CDH15: variants seen among roughly 807,000 people sequenced by gnomAD.
The protein encoded by CDH15 is cadherin-15.
CDH15 carries 73 observed loss-of-function variants against 69.4 expected under a neutral mutation model. That is an observed-to-expected ratio of 1.05 (90% confidence interval 0.87 to 1.28). The LOEUF (loss-of-function observed/expected upper bound fraction) is 1.28, where lower values mean the gene tolerates loss of function less well. Ranked by LOEUF, CDH15 falls within the 50% of genes most tolerant of loss-of-function variation. CDH15 has a pLI of 0.00. For synonymous variants in CDH15, 624 were observed against 507.7 expected (o/e 1.23, Z -3.08); for missense variants, 1,343 against 1,133.6 (o/e 1.18, Z -2.65).
At position 89,180,169 on chromosome 16, in the gene CDH15, G is replaced by C. The variant is rs751463006; in HGVS notation, c.202-31G>C. ...AGGGCAGAGGCCCCCGCCCGGAGCAGCTCTCCCCAAACCCATTTCCTGCCC... is the reference window on the plus strand; with the variant it reads ...AGGGCAGAGGCCCCCGCCCGGAGCACCTCTCCCCAAACCCATTTCCTGCCC... On this transcript the variant is annotated intron_variant, in intron 2 of 13. Coordinates refer to ENST00000289746, the MANE Select transcript of CDH15 (RefSeq NM_004933.3). 5 of 1,608,504 alleles carry C rather than the reference G, an allele frequency of 3.1e-6. No individual in the cohort carries two copies. The South Asian group carries it at 4.4e-5, about 14-fold the overall frequency.
At chr16:89,192,136 G>C in intron 10 of CDH15, 69 bp from the exon 11 acceptor site, 2 of 1,468,280 alleles carry the variant, frequency 1.4e-6, no homozygotes, top group East Asian at 2.5e-5. Flanking sequence ...CCCTGTCTCG[G>C]CGCGAGGAGG....
chr16:89,189,740 T>G (rs1225541909), intron 7 of CDH15, among the ~76,000 whole-genome samples: 2 of 152,074 alleles, frequency 1.3e-5, no homozygotes, highest in African/African-American at 4.8e-5. Context: ...TAGATGTGGG[T>G]GTATTTAGAT....
chr16:89,185,397 C>G, intron 5 of CDH15, 64 bp downstream of exon 5: 1 of 1,518,660 alleles, frequency 6.6e-7, no homozygotes, highest in Non-Finnish European at 8.9e-7. Flanking sequence ...CTGCGGGTCC[C>G]TCTGCCCCCA....
In CDH15 at chr16:89,194,911, C is replaced by T. The variant is rs200200282; in HGVS notation, c.2201C>T (p.Ala734Val). ...SDPSVPPYDT[A>V]LIYDYEGDGS... ...CCCAGTGTGCCGCCTTACGACACAG[C>T]CCTCATCTATGACTACGAGGGTGAC... The change falls in exon 14 of 14, where the codon GCC becomes GTC. Residue 734 changes from alanine (A) to valine (V), a missense_variant. Ala to Val is a moderately conservative substitution (Grantham distance 64, BLOSUM62 0). Coordinates refer to ENST00000289746, the MANE Select transcript of CDH15 (RefSeq NM_004933.3). 11 of 1,608,024 alleles carry T rather than the reference C, an allele frequency of 6.8e-6. No homozygotes were observed. The highest frequency in any genetic ancestry group is 9.3e-6 in the Non-Finnish European group (11 of 1,177,484).
chr16:89,190,334 G>A lies in CDH15; in HGVS notation c.1070G>A (p.Arg357Gln), dbSNP rs372624955. The change falls in exon 8 of 14, where the codon CGG (arginine) becomes CAG (glutamine). Residue 357 changes from arginine (R) to glutamine (Q), a missense_variant. Coordinates refer to ENST00000289746, the MANE Select transcript of CDH15 (RefSeq NM_004933.3). The part of the protein sequence containing the change: ...PLQAAALRAE[R>Q]GQAKVRVHVQ... ...CAGGCGGCTGCCCTTAGGGCTGAGCGGGGCCAGGCCAAGGTCCGCGTGCAT... is the reference window on the plus strand; with the variant it reads ...CAGGCGGCTGCCCTTAGGGCTGAGCAGGGCCAGGCCAAGGTCCGCGTGCAT... The A allele has an allele frequency of 9.3e-6, 15 of 1,612,380 alleles. No individual in the cohort carries two copies. Among genetic ancestry groups the A allele is most frequent in the African/African-American group, 1.3e-5 (1 of 74,936 alleles).
chr16:89,194,927 C>G lies in CDH15; in HGVS notation c.2217C>G (p.Tyr739Ter). 1 of 1,608,438 alleles carries G rather than the reference C, an allele frequency of 6.2e-7. No individual in the cohort carries two copies. Among genetic ancestry groups the G allele is most frequent in the African/African-American group, 1.3e-5 (1 of 74,966 alleles). Residue 739 changes from tyrosine (Y) to a stop codon, truncating the protein, a stop_gained, in exon 14 of 14, where the codon TAC (tyrosine) becomes TAG (stop). Transcript: ENST00000289746. LOFTEE classifies it low-confidence loss of function (END_TRUNC). ...ACGACACAGCCCTCATCTATGACTA[C>G]GAGGGTGACGGCTCGGTGGCGGGGA... ...PPYDTALIYDYEGDGSVAGTL... is the reference protein window; with the variant it reads ...PPYDTALIYD
rs762283947 is a variant in CDH15 at position 89,188,208 on chromosome 16, C to T, written c.901C>T (p.Leu301=). Residue 301 remains leucine (L), a synonymous_variant, in exon 7 of 14, where the codon CTG becomes TTG. Transcript: ENST00000289746. ...SPNWVARFTI[L]EGDPDGQFTI... ...AAACTGGGTGGCCAGGTTCACCATCCTGGAAGGCGACCCCGATGGGCAGTT... is the reference window on the plus strand; with the variant it reads ...AAACTGGGTGGCCAGGTTCACCATCTTGGAAGGCGACCCCGATGGGCAGTT... 1 of 1,613,524 alleles carries T rather than the reference C, an allele frequency of 6.2e-7. No homozygotes were observed. The highest frequency in any genetic ancestry group is 2.2e-5 in the East Asian group (1 of 44,878).
intron 7 of CDH15, among the ~76,000 whole-genome samples, chr16:89,189,277 A>G (rs532723492): frequency 3.3e-5 from 5 of 149,832 alleles, no homozygotes; most frequent in African/African-American, 1.2e-4. Context: ...CCACACACAG[A>G]TGCCGGCACA....
intron 8 of CDH15, among the ~76,000 whole-genome samples, chr16:89,190,993 A>G (rs1032287827): frequency 6.9e-6 from 1 of 145,494 alleles, no homozygotes. Context: ...GGTTGTGTGT[A>G]CATGTGTATG....
chr16:89,184,113 C>G (rs888469809), intron 4 of CDH15, among the ~76,000 whole-genome samples: 1 of 152,168 alleles, frequency 6.6e-6, no homozygotes, highest in African/African-American at 2.4e-5. Flanking sequence ...TCCCTGGGGG[C>G]CGGTGGTAAA....
intron 1 of CDH15, among the ~76,000 whole-genome samples, chr16:89,172,245 C>T (rs991913777): frequency 2.0e-5 from 3 of 151,946 alleles, no homozygotes; most frequent in African/African-American, 7.3e-5. Flanking sequence ...GAGTGCCCCT[C>T]TCTGGGGGGC....
intron 11 of CDH15, among the ~76,000 whole-genome samples, 193 bp downstream of exon 11, chr16:89,192,637 A>T (rs1377918504): frequency 1.3e-5 from 1 of 76,514 alleles, no homozygotes; most frequent in African/African-American, 6.1e-5. Context: ...ATTACCAGCC[A>T]CGCCGCTTCC....
At chr16:89,184,393 A>T (rs970666283) in intron 4 of CDH15, among the ~76,000 whole-genome samples, 1 of 152,244 alleles carries the variant, frequency 6.6e-6, no homozygotes, top group Non-Finnish European at 1.5e-5. Context: ...GGCTAAGTCC[A>T]CCTGAGCTGC....
intron 1 of CDH15, among the ~76,000 whole-genome samples, chr16:89,177,943 G>A (rs937014914): frequency 1.3e-5 from 2 of 152,132 alleles, no homozygotes; most frequent in Admixed American, 6.5e-5. Context: ...GGCAGGACCC[G>A]CCGTCTCTAA....
rs111733846 is a variant in CDH15 at position 89,175,066 on chromosome 16, G to A, written c.42+3193G>A. Among the ~76,000 whole-genome samples, 705 of 152,272 alleles carry A rather than the reference G, an allele frequency of 4.6e-3. 6 individuals are homozygous for A. Among genetic ancestry groups the A allele is most frequent in the African/African-American group, 0.015 (640 of 41,560 alleles). On this transcript the variant is annotated intron_variant, in intron 1 of 13. Coordinates refer to ENST00000289746, the MANE Select transcript of CDH15 (RefSeq NM_004933.3). ...CTGCTCACCCACACCCACATTGGCC[G>A]TGATCTGGGCAAGTGAGCCCTGCCA...
chr16:89,180,738 T>G (rs890181109), intron 3 of CDH15, among the ~76,000 whole-genome samples: 1 of 152,174 alleles, frequency 6.6e-6, no homozygotes, highest in Non-Finnish European at 1.5e-5. Context: ...TGTTTTTTGT[T>G]TTTGAGATGG....
intron 3 of CDH15, 34 bp from the exon 4 acceptor site, chr16:89,183,514 C>A (rs1482390165): frequency 3.1e-6 from 5 of 1,613,324 alleles, no homozygotes; most frequent in Admixed American, 1.7e-5. Context: ...AATTTGGGGG[C>A]CACAGAGCCA....
intron 5 of CDH15, 96 bp downstream of exon 5, chr16:89,185,429 C>T (rs1302770539): frequency 1.5e-6 from 2 of 1,359,860 alleles, no homozygotes; most frequent in East Asian, 2.5e-5. Context: ...CCAGACGCTC[C>T]TGTCCCTGCC....
At chr16:89,188,993 C>T (rs1597309989) in intron 7 of CDH15, among the ~76,000 whole-genome samples, 1 of 138,870 alleles carries the variant, frequency 7.2e-6, no homozygotes, top group African/African-American at 2.7e-5. Flanking sequence ...ACACAGACAC[C>T]CACACACAGA....
Sources: gnomAD v4.1 joint callset for allele counts (sites outside exome capture counted in the v4.1 genomes callset) on GRCh38, gnomAD v4.1.1 for gene constraint, MANE v1.5 for transcripts, NCBI Gene and HGNC (gene_info 2026-07-23, HGNC 2026-07-21) for gene names.